Variants in MSH3 observed in about 807,000 individuals in gnomAD.
MSH3 encodes the protein mutS homolog 3.
A neutral mutation model predicts 123.3 loss-of-function variants in MSH3; 106 were observed. That is an observed-to-expected ratio of 0.86 (90% CI 0.73 to 1.01). The LOEUF is 1.01. MSH3 is among the 50% of genes least tolerant of loss of function. The pLI, the probability that MSH3 is intolerant of heterozygous loss-of-function variation, is 0.00. For synonymous variants in MSH3, 515 were observed against 481.4 expected, an observed-to-expected ratio of 1.07 and a Z score of -0.91; for missense variants, 1,459 against 1,347.6, an observed-to-expected ratio of 1.08 and a Z score of -1.29.
intron 21 of MSH3, among the ~76,000 whole-genome samples, chr5:80,863,056 A>G (rs1223492706): frequency 6.6e-6 from 1 of 152,212 alleles, no homozygotes; most frequent in Non-Finnish European, 1.5e-5. Context: ...TATAGTGAAG[A>G]AATCTAGTGG....
At chr5:80,669,061 C>T (rs916467334) in intron 3 of MSH3, among the ~76,000 whole-genome samples, 10 of 152,256 alleles carry the variant, frequency 6.6e-5, no homozygotes, top group African/African-American at 2.2e-4. Context: ...CTCCATGCCT[C>T]ACCGTCTTCT....
At chr5:80,683,192 A>G (rs1213853264) in intron 8 of MSH3, among the ~76,000 whole-genome samples, 1 of 152,146 alleles carries the variant, frequency 6.6e-6, no homozygotes, top group Non-Finnish European at 1.5e-5. Flanking sequence ...TCTTCTATAT[A>G]CTGATTTCCC....
At chr5:80,769,154 G>C (rs1744174450) in intron 15 of MSH3, 151 bp downstream of exon 15, 1 of 707,320 alleles carries the variant, frequency 1.4e-6, no homozygotes, top group South Asian at 2.0e-5. Context: ...AACTTGTTTT[G>C]ATAAGAGTTA....
intron 7 of MSH3, 99 bp from the exon 8 acceptor site, chr5:80,678,828 G>A (rs1314937400): frequency 2.3e-6 from 3 of 1,330,392 alleles, no homozygotes; most frequent in African/African-American, 1.4e-5. Context: ...ACATACTCCT[G>A]AGTGTATCAT....
intron 8 of MSH3, chr5:80,715,362 G>T (rs371058897): frequency 6.6e-6 from 1 of 152,292 alleles, no homozygotes; most frequent in African/African-American, 2.4e-5. Context: ...AAGTTTCACT[G>T]AGATGATGAC....
At chr5:80,768,345 C>G (rs1421430325) in intron 14 of MSH3, among the ~76,000 whole-genome samples, 2 of 152,092 alleles carry the variant, frequency 1.3e-5, no homozygotes, top group South Asian at 4.1e-4. Context: ...TAGTACTCCC[C>G]CACATATCAG....
At chr5:80,804,212 G>A (rs1056480389) in intron 19 of MSH3, among the ~76,000 whole-genome samples, 1 of 152,114 alleles carries the variant, frequency 6.6e-6, no homozygotes, top group East Asian at 1.9e-4. Flanking sequence ...CCCTTTTTGT[G>A]TGTCCTCTTT....
chr5:80,696,128 G>A (rs932741391), intron 8 of MSH3, among the ~76,000 whole-genome samples: 1 of 152,176 alleles, frequency 6.6e-6, no homozygotes, highest in Non-Finnish European at 1.5e-5. Context: ...GGCCTTCTCT[G>A]ACACCATCCC....
chr5:80,798,955 G>T (rs556244179), intron 19 of MSH3, among the ~76,000 whole-genome samples: 43 of 152,306 alleles, frequency 2.8e-4, no homozygotes, highest in Admixed American at 1.4e-3. Context: ...TCTTTGCTCT[G>T]TTTTTAAAGC....
chr5:80,787,511 T>C (rs367857860), intron 17 of MSH3, 54 bp from the exon 18 acceptor site: 175 of 1,103,052 alleles, frequency 1.6e-4, no homozygotes, highest in Admixed American at 4.6e-4. Flanking sequence ...AGAGCTATTA[T>C]AGGTTTAAGA....
rs2112819031 is a variant in MSH3 at position 80,678,986 on chromosome 5, T to C, written c.1233T>C (p.Arg411=). 3.1e-6 allele frequency: 5 copies of C among 1,614,154 alleles called. No homozygotes were observed. The highest frequency in any genetic ancestry group is 3.4e-6 in the Non-Finnish European group (4 of 1,180,016). The change falls in exon 8 of 24, where the codon CGT becomes CGC. Residue 411 remains arginine (R), a synonymous_variant. Coordinates refer to ENST00000265081, the MANE Select transcript of MSH3 (RefSeq NM_002439.5). ...ATAGTTTCCAGGACTCTGCTTCTCG[T>C]TCAGAGCTAGAAACCCGGATGTCAA... ...VFDSFQDSAS[R]SELETRMSSL... is the part of the protein sequence containing the mutation.
chr5:80,772,917 G>A (rs922874605), intron 15 of MSH3, among the ~76,000 whole-genome samples: 1 of 152,176 alleles, frequency 6.6e-6, no homozygotes, highest in Non-Finnish European at 1.5e-5. Flanking sequence ...TGTGACCAGA[G>A]GGGTTTAACT....
At position 80,665,217 on chromosome 5, in the gene MSH3, G is replaced by C. The variant is rs1580546606; in HGVS notation, c.433G>C (p.Ala145Pro). 2 of 1,614,118 alleles carry C rather than the reference G, an allele frequency of 1.2e-6. No individual in the cohort carries two copies. The highest frequency in any genetic ancestry group is 1.7e-6 in the Non-Finnish European group (2 of 1,179,992). Residue 145 changes from alanine (A) to proline (P), a missense_variant, in exon 3 of 24, where the codon GCC becomes CCC. By Grantham distance (27) the Ala-to-Pro change is conservative (BLOSUM62 -1). Transcript: ENST00000265081. ...EKLKEFCCDS[A>P]LPQSRVQTES... ...ATTGAAAGAATTCTGCTGCGATTCT[G>C]CCCTTCCTCAAAGTAGAGTCCAGAC... is the stretch of plus-strand genomic sequence containing the variant.
chr5:80,675,019 A>G lies in MSH3; in HGVS notation c.1064A>G (p.Asn355Ser). Residue 355 changes from asparagine (N) to serine (S), a missense_variant, in exon 7 of 24, where the codon AAT becomes AGT. By Grantham distance (46) the Asn-to-Ser change is conservative. Coordinates refer to ENST00000265081, the MANE Select transcript of MSH3 (RefSeq NM_002439.5). Reference protein sequence around the residue: ...NPLIKLDDAVNVDEIMTDTST... With the variant: ...NPLIKLDDAVSVDEIMTDTST... ...CTAATCAAGCTGGATGATGCTGTAAATGTTGATGAGATAATGACTGATACT... is the reference window on the plus strand; with the variant it reads ...CTAATCAAGCTGGATGATGCTGTAAGTGTTGATGAGATAATGACTGATACT... 3 of 1,612,264 alleles carry G rather than the reference A, an allele frequency of 1.9e-6. No individual in the cohort carries two copies. Among genetic ancestry groups the G allele is most frequent in the Non-Finnish European group, 2.5e-6 (3 of 1,178,506 alleles).
chr5:80,673,392 G>A (rs1346725188), intron 6 of MSH3, among the ~76,000 whole-genome samples: 2 of 152,150 alleles, frequency 1.3e-5, no homozygotes, highest in Non-Finnish European at 2.9e-5. Flanking sequence ...AGCTGGGCAT[G>A]TTGGCACTTG....
At chr5:80,779,709 C>T (rs905548853) in intron 17 of MSH3, among the ~76,000 whole-genome samples, 2 of 151,680 alleles carry the variant, frequency 1.3e-5, no homozygotes, top group African/African-American at 4.8e-5. Context: ...CAGGCGCACA[C>T]CGCCACGCCC....
At position 80,778,712 on chromosome 5, in the gene MSH3, T is replaced by C; in HGVS notation, c.2319-8T>C. The C allele has an allele frequency of 6.6e-7, 1 of 1,524,122 alleles. No homozygotes were observed. The allele number at this position is 1,524,122 out of a possible 1,614,324, so 94.4% of individuals were successfully genotyped here. On this transcript the variant is annotated splice_region_variant and splice_polypyrimidine_tract_variant and intron_variant, in intron 16 of 23. Transcript: ENST00000265081. ...GATTTCCTATTTGTGTTCTTTCCCC[T>C]CTTCTAGCACAAAAGCTGTGAGCCG...
chr5:80,818,623 A>G (rs1580069178), intron 20 of MSH3, among the ~76,000 whole-genome samples: 1 of 152,200 alleles, frequency 6.6e-6, no homozygotes, highest in South Asian at 2.1e-4. Flanking sequence ...AAAATGTTTA[A>G]GTGAGATAAA....
At chr5:80,775,603 T>C (rs1277089783) in intron 15 of MSH3, 91 bp from the exon 16 acceptor site, 2 of 742,112 alleles carry the variant, frequency 2.7e-6, no homozygotes, top group Non-Finnish European at 4.7e-6. Flanking sequence ...TTTAACAATA[T>C]ATAATAAATT....
Sources: gnomAD v4.1 joint callset for allele counts (sites outside exome capture counted in the v4.1 genomes callset) on GRCh38, gnomAD v4.1.1 for gene constraint, MANE v1.5 for transcripts, NCBI Gene and HGNC (gene_info 2026-07-23, HGNC 2026-07-21) for gene names.